Variants in DCHS2 observed in about 807,000 individuals in gnomAD.
DCHS2 encodes the protein dachsous cadherin-related 2, also known as protocadherin-23.
Under a neutral mutation model 182.4 loss-of-function variants are expected in DCHS2, and 142 were observed. The observed-to-expected ratio is 0.78, with a 90% confidence interval of 0.68 to 0.89. DCHS2 has a LOEUF of 0.89. Among genes scored for constraint, DCHS2 ranks in the 40% least tolerant of loss-of-function variants. DCHS2 has a pLI of 0.00. For missense variants in DCHS2, 4,319 were observed against 4,198.6 expected (o/e 1.03, Z -0.79); for synonymous variants, 1,740 against 1,663.3 (o/e 1.05, Z -1.12).
At chr4:154,451,616 C>G (rs1032100562) in intron 1 of DCHS2, among the ~76,000 whole-genome samples, 1 of 152,144 alleles carries the variant, frequency 6.6e-6, no homozygotes, top group Non-Finnish European at 1.5e-5. Context: ...ACATGACATG[C>G]AGGCACCATC....
chr4:154,282,103 T>C lies in DCHS2; in HGVS notation c.6464-12090A>G, dbSNP rs544307082. On this transcript the variant is annotated intron_variant, in intron 13 of 19. Transcript: ENST00000357232. ...ATAATATAGGAGGAGAGCTTCATGA[T>C]ATTTAATTTAGCAATGATTCATTCT... Among the ~76,000 whole-genome samples, 137 of 152,248 alleles carry C rather than the reference T, an allele frequency of 9.0e-4. 1 individual carries two copies. Among genetic ancestry groups the C allele is most frequent in the African/African-American group, 3.1e-3 (127 of 41,574 alleles).
At chr4:154,339,451 C>CTTT (rs761820833) in intron 3 of DCHS2, among the ~76,000 whole-genome samples, 3 of 141,314 alleles carry the variant, frequency 2.1e-5, no homozygotes, top group African/African-American at 7.8e-5. Flanking sequence ...CATGAACAAA[C>CTTT]TTTTTTTTTT....
chr4:154,264,475 A>T (rs1733146220), intron 14 of DCHS2, among the ~76,000 whole-genome samples: 2 of 152,166 alleles, frequency 1.3e-5, no homozygotes, highest in South Asian at 4.1e-4. Context: ...GAAGAGAAAG[A>T]CAGATGAAAA....
intron 14 of DCHS2, among the ~76,000 whole-genome samples, chr4:154,265,635 C>A (rs1019717289): frequency 1.3e-5 from 2 of 151,874 alleles, no homozygotes; most frequent in Non-Finnish European, 1.5e-5. Flanking sequence ...AAAAAGAAGC[C>A]AGTGATCAAT....
intron 3 of DCHS2, among the ~76,000 whole-genome samples, chr4:154,349,297 T>C (rs914097744): frequency 2.0e-5 from 3 of 152,172 alleles, no homozygotes; most frequent in Non-Finnish European, 4.4e-5. Flanking sequence ...CCAGCTAAAA[T>C]TGGCTCATTT....
intron 13 of DCHS2, among the ~76,000 whole-genome samples, chr4:154,273,798 T>TC (rs5863093): frequency 0.87 from 132,416 of 152,048 alleles, 58,264 homozygotes; most frequent in East Asian, 0.97. Flanking sequence ...CTGTGCTTCT[T>TC]ACTTAACTGT....
chr4:154,432,730 T>C (rs1490656), intron 1 of DCHS2, among the ~76,000 whole-genome samples: 77,614 of 151,978 alleles, frequency 0.51, 20,980 homozygotes, highest in Middle Eastern at 0.67. Context: ...CCTTCTCCAC[T>C]AGGATCTGTG....
chr4:154,468,668 C>A (rs1035537824), intron 1 of DCHS2, among the ~76,000 whole-genome samples: 3 of 152,148 alleles, frequency 2.0e-5, no homozygotes, highest in African/African-American at 7.2e-5. Flanking sequence ...ACAACGGTTT[C>A]TCCTAAAATA....
intron 1 of DCHS2, among the ~76,000 whole-genome samples, chr4:154,449,955 A>C (rs772010321): frequency 6.6e-6 from 1 of 152,148 alleles, no homozygotes; most frequent in African/African-American, 2.4e-5. Context: ...CCTTTCCACA[A>C]ACAAGAGAAA....
chr4:154,347,135 C>G (rs1158220826), intron 3 of DCHS2, among the ~76,000 whole-genome samples: 1 of 151,220 alleles, frequency 6.6e-6, no homozygotes, highest in Non-Finnish European at 1.5e-5. Flanking sequence ...TCCTTGCCTT[C>G]AAATGCTATG....
chr4:154,257,790 T>C (rs927222800), intron 15 of DCHS2, among the ~76,000 whole-genome samples: 2 of 152,204 alleles, frequency 1.3e-5, no homozygotes, highest in Non-Finnish European at 2.9e-5. Flanking sequence ...GGGAACTCAA[T>C]GATTGGAAAA....
At chr4:154,463,174 T>TACACACAC (rs59327032) in intron 1 of DCHS2, among the ~76,000 whole-genome samples, 8 of 148,148 alleles carry the variant, frequency 5.4e-5, no homozygotes, top group Non-Finnish European at 9.0e-5. Flanking sequence ...TATATATATA[T>TACACACAC]ACACACACAC....
intron 16 of DCHS2, 31 bp from the exon 17 acceptor site, chr4:154,242,803 T>C: frequency 6.3e-7 from 1 of 1,580,392 alleles, no homozygotes; most frequent in African/African-American, 1.4e-5. Context: ...AAGAATGTGA[T>C]TCATCATCCA....
chr4:154,256,340 G>T (rs1732664359), intron 15 of DCHS2, among the ~76,000 whole-genome samples: 1 of 152,014 alleles, frequency 6.6e-6, no homozygotes, highest in Non-Finnish European at 1.5e-5. Flanking sequence ...TTCCCATTTT[G>T]CCCAGGCTGG....
At chr4:154,441,315 A>G (rs1457469561) in intron 1 of DCHS2, among the ~76,000 whole-genome samples, 1 of 152,232 alleles carries the variant, frequency 6.6e-6, no homozygotes. Context: ...AGCAAAAAAG[A>G]TAACATTCTG....
At chr4:154,386,100 C>T (rs1042319143) in intron 1 of DCHS2, among the ~76,000 whole-genome samples, 2 of 152,160 alleles carry the variant, frequency 1.3e-5, no homozygotes, top group Non-Finnish European at 2.9e-5. Context: ...ACGATACTAC[C>T]ATTCACTTTC....
At chr4:154,361,411 T>C (rs752232146) in intron 3 of DCHS2, among the ~76,000 whole-genome samples, 31 of 152,188 alleles carry the variant, frequency 2.0e-4, no homozygotes, top group Non-Finnish European at 4.3e-4. Context: ...AACTGCTCTT[T>C]TAATGTTACT....
At chr4:154,410,019 G>A (rs192641905) in intron 1 of DCHS2, among the ~76,000 whole-genome samples, 1 of 152,218 alleles carries the variant, frequency 6.6e-6, no homozygotes. Flanking sequence ...TGTAGTGAAA[G>A]TTTTTCCTTA....
chr4:154,486,614 G>C, intron 1 of DCHS2: 8 of 1,170,800 alleles, frequency 6.8e-6, no homozygotes, highest in Non-Finnish European at 9.0e-6. Context: ...TGGAACACAG[G>C]AGGTGTCATG....
Sources: gnomAD v4.1 joint callset for allele counts (sites outside exome capture counted in the v4.1 genomes callset) on GRCh38, gnomAD v4.1.1 for gene constraint, MANE v1.5 for transcripts, NCBI Gene and HGNC (gene_info 2026-07-23, HGNC 2026-07-21) for gene names.